The following RSPH14 variants were observed in gnomAD, a reference collection of about 807,000 sequenced individuals.
RSPH14 encodes the protein rhabdoid tumor deletion region gene 1.
Under a neutral mutation model 26.7 loss-of-function variants are expected in RSPH14, and 20 were observed. The observed-to-expected ratio is 0.75, with a 90% CI of 0.53 to 1.09. The LOEUF (loss-of-function observed/expected upper bound fraction) is 1.09. Among genes scored for constraint, RSPH14 ranks in the 50% least tolerant of loss-of-function variants. The pLI is 0.00. For missense variants in RSPH14, 449 were observed against 457.2 expected (o/e 0.98, Z 0.16); for synonymous variants, 177 against 189.3 (o/e 0.93, Z 0.53).
In RSPH14 at chr22:23,108,850, G is replaced by C. The variant is rs568625336; in HGVS notation, c.421+25176C>G. ...GCTGGAGAGGTGGTGTCCCTATTTGGGGACTCAGTACTCTGAAGTCAGGGT... is the reference window on the plus strand; with the variant it reads ...GCTGGAGAGGTGGTGTCCCTATTTGCGGACTCAGTACTCTGAAGTCAGGGT... On this transcript the variant is annotated intron_variant, in intron 4 of 6. Coordinates refer to ENST00000216036, the MANE Select transcript of RSPH14 (RefSeq NM_014433.3). Among the ~76,000 whole-genome samples the C allele has an allele frequency of 3.9e-5, 6 of 152,336 alleles. No homozygotes were observed. In the South Asian group the frequency reaches 1.2e-3, roughly 32 times the overall value.
At chr22:23,082,147 A>C (rs953645573) in intron 4 of RSPH14, among the ~76,000 whole-genome samples, 14 of 150,628 alleles carry the variant, frequency 9.3e-5, no homozygotes, top group Non-Finnish European at 1.3e-4. Flanking sequence ...AAAAAAAAAA[A>C]CACCCCAGAA....
chr22:23,163,777 CTTGT>C, the RSPH14 span: 1 of 152,172 alleles, frequency 6.6e-6, no homozygotes, highest in Non-Finnish European at 1.5e-5. Context: ...GTGTTGATGG[CTTGT>C]TTGTTGTTTT....
At chr22:23,113,920 A>G (rs549517869) in intron 4 of RSPH14, among the ~76,000 whole-genome samples, 3 of 152,248 alleles carry the variant, frequency 2.0e-5, no homozygotes, top group Non-Finnish European at 4.4e-5. Flanking sequence ...TCACTGTGTC[A>G]GCAGTGCCCC....
At chr22:23,097,163 T>C (rs897757799) in intron 4 of RSPH14, among the ~76,000 whole-genome samples, 8 of 152,104 alleles carry the variant, frequency 5.3e-5, no homozygotes, top group Non-Finnish European at 1.0e-4. Context: ...AGAGAGGCCT[T>C]TGACCCTGGG....
chr22:23,113,665 C>A (rs2069725118), intron 4 of RSPH14, among the ~76,000 whole-genome samples: 1 of 152,244 alleles, frequency 6.6e-6, no homozygotes, highest in African/African-American at 2.4e-5. Flanking sequence ...ACCACAGGCC[C>A]CTCCACTCGG....
intron 4 of RSPH14, among the ~76,000 whole-genome samples, chr22:23,080,865 T>C (rs1323467606): frequency 1.3e-5 from 2 of 152,220 alleles, no homozygotes; most frequent in Non-Finnish European, 2.9e-5. Context: ...CTCACTGGAT[T>C]AATGGGTGCT....
At chr22:23,122,681 G>A (rs2070064576) in intron 4 of RSPH14, 1 of 206,580 alleles carries the variant, frequency 4.8e-6, no homozygotes, top group African/African-American at 2.3e-5. Flanking sequence ...GGCTCCTGCA[G>A]AAGATGGCCT....
chr22:23,060,888 G>C (rs1380555166), intron 6 of RSPH14, among the ~76,000 whole-genome samples: 1 of 152,130 alleles, frequency 6.6e-6, no homozygotes, highest in Non-Finnish European at 1.5e-5. Context: ...CTTGTGTCTC[G>C]AGCCCCGTGG....
intron 4 of RSPH14, among the ~76,000 whole-genome samples, chr22:23,074,872 T>G (rs2068472908): frequency 6.6e-6 from 1 of 151,942 alleles, no homozygotes; most frequent in Non-Finnish European, 1.5e-5. Flanking sequence ...GGGCCCCCAT[T>G]TGAAAATTAT....
At chr22:23,111,288 T>C (rs2069649280) in intron 4 of RSPH14, among the ~76,000 whole-genome samples, 1 of 152,210 alleles carries the variant, frequency 6.6e-6, no homozygotes, top group Non-Finnish European at 1.5e-5. Context: ...GGCTCTCCTG[T>C]GACGTGGCTG....
In RSPH14 at chr22:23,099,693, A is replaced by C. The variant is rs186467341; in HGVS notation, c.421+34333T>G. Among the ~76,000 whole-genome samples, 6 of 152,370 alleles carry C rather than the reference A, an allele frequency of 3.9e-5. No homozygotes were observed. The East Asian group carries it at 1.2e-3, about 29-fold the overall frequency. On this transcript the variant is annotated intron_variant, in intron 4 of 6. Transcript: ENST00000216036. ...TCCCACTTAGCCAGAGCCATGGCAGAGGCTCTGCCCCTCGTCTTTAGTACA... is the reference window on the plus strand; with the variant it reads ...TCCCACTTAGCCAGAGCCATGGCAGCGGCTCTGCCCCTCGTCTTTAGTACA...
chr22:23,067,880 T>G (rs897140858), intron 4 of RSPH14, among the ~76,000 whole-genome samples: 1 of 152,174 alleles, frequency 6.6e-6, no homozygotes, highest in Non-Finnish European at 1.5e-5. Flanking sequence ...CAGACTGACT[T>G]CTGTGCTCAC....
chr22:23,131,751 G>A, intron 4 of RSPH14: 2 of 672,918 alleles, frequency 3.0e-6, no homozygotes, highest in Non-Finnish European at 2.4e-6. Context: ...TAATACCCCA[G>A]GGGCTCTCAA....
chr22:23,096,909 C>T (rs9624025), intron 4 of RSPH14, among the ~76,000 whole-genome samples: 6,512 of 152,298 alleles, frequency 0.043, 494 homozygotes, highest in African/African-American at 0.15. Flanking sequence ...GTGGCATGGG[C>T]GCAGCCCGAG....
intron 4 of RSPH14, among the ~76,000 whole-genome samples, chr22:23,116,888 G>A (rs956506247): frequency 1.3e-5 from 2 of 152,190 alleles, no homozygotes; most frequent in African/African-American, 4.8e-5. Flanking sequence ...TGCCGCACCT[G>A]GGAGGGGGAC....
At chr22:23,061,736 T>A (rs1426556677) in intron 6 of RSPH14, 73 bp downstream of exon 6, 2 of 1,537,350 alleles carry the variant, frequency 1.3e-6, no homozygotes, top group African/African-American at 1.4e-5. Flanking sequence ...ACCCAGCCCC[T>A]GAGTACAGAA....
chr22:23,082,139 A>C lies in RSPH14; in HGVS notation c.422-18006T>G, dbSNP rs541151779. ...GACTCCGCCTCAAAAAAAAAACAAA[A>C]AAAAAAAACACCCCAGAAATATATG... On this transcript the variant is annotated intron_variant, in intron 4 of 6. Coordinates refer to ENST00000216036, the MANE Select transcript of RSPH14 (RefSeq NM_014433.3). Among the ~76,000 whole-genome samples, 216 of 151,626 alleles carry C rather than the reference A, an allele frequency of 1.4e-3. 2 individuals carry two copies. The highest frequency in any genetic ancestry group is 3.4e-3 in the Middle Eastern group (1 of 294).
At chr22:23,162,884 C>T in the RSPH14 span, 1 of 369,336 alleles carries the variant, frequency 2.7e-6, no homozygotes. Flanking sequence ...CCCCCTTCAA[C>T]ATATTTTTTG....
intron 2 of RSPH14, 84 bp from the exon 3 acceptor site, chr22:23,139,026 G>A (rs1163004111): frequency 6.0e-6 from 6 of 999,490 alleles, no homozygotes; most frequent in Non-Finnish European, 8.9e-6. Context: ...GTCAATAAGT[G>A]GGCCAGTTGG....
Sources: gnomAD v4.1 joint callset for allele counts (sites outside exome capture counted in the v4.1 genomes callset) on GRCh38, gnomAD v4.1.1 for gene constraint, MANE v1.5 for transcripts, NCBI Gene and HGNC (gene_info 2026-07-23, HGNC 2026-07-21) for gene names.